ZNF462: variants seen among roughly 807,000 people sequenced by gnomAD.
ZNF462 encodes the protein zinc finger protein 462, also known as zinc finger PBX1-interacting protein.
ZNF462 carries 10 observed loss-of-function variants against 201.9 expected under a neutral mutation model. The observed-to-expected ratio is 0.05, with a 90% CI of 0.03 to 0.08. The LOEUF (loss-of-function observed/expected upper bound fraction) is 0.08, where lower values mean the gene tolerates loss of function less well. Ranked by LOEUF, ZNF462 falls within the 10% of genes least tolerant of loss-of-function variation. ZNF462 has a pLI of 1.00. For missense variants in ZNF462, 2,523 were observed against 3,168.3 expected (o/e 0.80, Z 4.89); for synonymous variants, 1,227 against 1,193.3 (o/e 1.03, Z -0.58).
intron 1 of ZNF462, among the ~76,000 whole-genome samples, chr9:106,908,099 G>T (rs555465255): frequency 1.3e-5 from 2 of 151,790 alleles, no homozygotes; most frequent in East Asian, 3.9e-4. Flanking sequence ...TCTCTTAATT[G>T]TGGCATTAAA....
At position 106,926,694 on chromosome 9, in the gene ZNF462, C is replaced by T. The variant is rs762912279; in HGVS notation, c.2782C>T (p.Arg928Trp). 7 of 1,613,902 alleles carry T rather than the reference C, an allele frequency of 4.3e-6. No individual in the cohort carries two copies. Among genetic ancestry groups the T allele is most frequent in the South Asian group, 2.2e-5 (2 of 91,060 alleles). The change falls in exon 3 of 13, where the codon CGG becomes TGG. Residue 928 changes from arginine to tryptophan, a missense_variant. Around this residue, in one of 15 missense-constraint regions of ZNF462, gnomAD observed 280 missense variants for 321.3 expected, o/e 0.87. Coordinates refer to ENST00000277225, the MANE Select transcript of ZNF462 (RefSeq NM_021224.6). This position sits in a 1 kb window ranked among gnomAD's most constrained non-coding sequence, Gnocchi z 7.9. ...FDHSDLIYRC[R>W]FCSYTSPNVR... The stretch of plus-strand genomic sequence containing the variant: ...TCACTCGGACCTGATCTACCGGTGT[C>T]GGTTTTGTTCATACACGAGCCCGAA...
In ZNF462 at chr9:106,977,508, T is replaced by C. The variant is rs1827097161; in HGVS notation, c.6832+3235T>C. On this transcript the variant is annotated intron_variant, in intron 9 of 12. Coordinates refer to ENST00000277225, the MANE Select transcript of ZNF462 (RefSeq NM_021224.6). This position sits in a 1 kb window ranked among gnomAD's most constrained non-coding sequence, Gnocchi z 4.6. ...ACTTCGCTCATGGGAAATCTGAATA[T>C]GAACTAATCAGGGATTTATGTTGGC... Among the ~76,000 whole-genome samples, 2 of 151,668 alleles carry C rather than the reference T, an allele frequency of 1.3e-5. No homozygotes were observed.
Position 106,982,090 on chromosome 9 carries a change from CCCGTGGTTCAG to C in ZNF462, c.6833-2093_6833-2083del, listed in dbSNP as rs377144373. 5.8e-3 allele frequency among the ~76,000 whole-genome samples: 890 copies of C among 152,334 alleles called. 10 individuals are homozygous for C. The highest frequency in any genetic ancestry group is 0.021 in the African/African-American group (857 of 41,580). ...CATATCCCCAGCATGGGGGCAGTTC[CCCGTGGTTCAG>C]CCTGCATGCCCCATCTCTTGCTGTT... On this transcript the variant is annotated intron_variant, in intron 9 of 12. Transcript: ENST00000277225.
At chr9:106,946,153 T>C (rs975637768) in intron 7 of ZNF462, among the ~76,000 whole-genome samples, 1 of 152,222 alleles carries the variant, frequency 6.6e-6, no homozygotes, top group African/African-American at 2.4e-5. Context: ...TATTCAGAAC[T>C]AGTTCCCAGC....
intron 1 of ZNF462, among the ~76,000 whole-genome samples, chr9:106,891,014 G>A (rs188165850): frequency 1.3e-5 from 2 of 152,284 alleles, no homozygotes; most frequent in African/African-American, 4.8e-5. Context: ...GGAAATCAAG[G>A]AGATTTTTAG....
chr9:106,984,113 G>A lies in ZNF462; in HGVS notation c.6833-73G>A. On this transcript the variant is annotated intron_variant, in intron 9 of 12. Coordinates refer to ENST00000277225, the MANE Select transcript of ZNF462 (RefSeq NM_021224.6). This position sits in a 1 kb window ranked among gnomAD's most constrained non-coding sequence, Gnocchi z 6.4. ...AGCAAGATTGGGTGAGTTTCTTCTT[G>A]TATTCCAAAGAAAGAACTTCTGTTT... is the stretch of plus-strand genomic sequence containing the variant. The A allele has an allele frequency of 7.1e-7, 1 of 1,410,096 alleles. No individual in the cohort carries two copies. The highest frequency in any genetic ancestry group is 9.8e-7 in the Non-Finnish European group (1 of 1,021,742). 87.3% of individuals were successfully genotyped at this position (1,410,096 alleles called of 1,614,324 possible).
intron 1 of ZNF462, among the ~76,000 whole-genome samples, chr9:106,884,592 ATATC>A (rs1197969566): frequency 1.3e-5 from 2 of 152,150 alleles, no homozygotes; most frequent in Non-Finnish European, 1.5e-5. Context: ...TGGAAACAGA[ATATC>A]TGTCATTCAT....
At position 106,926,551 on chromosome 9, in the gene ZNF462, A is replaced by G. The variant is rs150561263; in HGVS notation, c.2639A>G (p.Asn880Ser). 2.8e-4 allele frequency: 451 copies of G among 1,614,160 alleles called. 1 individual carries two copies. The highest frequency in any genetic ancestry group is 1.4e-3 in the African/African-American group (104 of 75,032). ...AGCTTTAGGTACATCTTGGACCCCA[A>G]TGATCACAGTGCAGTGTACAGGTGC... ...KFSFRYILDP[N>S]DHSAVYRCLE... Residue 880 changes from asparagine to serine, a missense_variant, in exon 3 of 13, where the codon AAT (asparagine) becomes AGT (serine). Transcript: ENST00000277225. The surrounding 1 kb of genome is among the most constrained non-coding windows in gnomAD (Gnocchi z 7.9).
rs777029774 is a variant in ZNF462, at chr9:106,932,396, C to T, written c.6013-50C>T. 86 of 1,613,250 alleles carry T rather than the reference C, an allele frequency of 5.3e-5. No individual in the cohort carries two copies. The highest frequency in any genetic ancestry group is 8.9e-5 in the East Asian group (4 of 44,872). On this transcript the variant is annotated intron_variant, in intron 4 of 12. Coordinates refer to ENST00000277225, the MANE Select transcript of ZNF462 (RefSeq NM_021224.6). This position sits in a 1 kb window ranked among gnomAD's most constrained non-coding sequence, Gnocchi z 6.8. Reference sequence around the variant, plus strand: ...GGAATGTTGGAGGATGAAACCCGGCCGGGGGGATACCATTGCAGTCAATGT... The same window carrying T: ...GGAATGTTGGAGGATGAAACCCGGCTGGGGGGATACCATTGCAGTCAATGT...
Position 106,974,108 on chromosome 9 carries a change from A to T in ZNF462, c.6696-29A>T. 1 of 1,613,766 alleles carries T rather than the reference A, an allele frequency of 6.2e-7. No individual in the cohort carries two copies. The highest frequency in any genetic ancestry group is 8.5e-7 in the Non-Finnish European group (1 of 1,179,870). ...AATGCAATGATCCCTGGTTACACGCATCACCTCTCCTCCCAAACTCTCTCC... is the reference window on the plus strand; with the variant it reads ...AATGCAATGATCCCTGGTTACACGCTTCACCTCTCCTCCCAAACTCTCTCC... On this transcript the variant is annotated intron_variant, in intron 8 of 12. Coordinates refer to ENST00000277225, the MANE Select transcript of ZNF462 (RefSeq NM_021224.6). The surrounding 1 kb of genome is among the most constrained non-coding windows in gnomAD (Gnocchi z 4.0).
chr9:106,945,146 T>C (rs1831049764), intron 7 of ZNF462, among the ~76,000 whole-genome samples: 1 of 152,210 alleles, frequency 6.6e-6, no homozygotes, highest in African/African-American at 2.4e-5. Context: ...GGAATACTCC[T>C]AGATGTCACT....
chr9:106,963,651 G>T lies in ZNF462; in HGVS notation c.6428-8354G>T, dbSNP rs77322043. ...GAAGTTTGTAAGGAACCTAACAGATGATCTTGTCTAAAGGCACCTAAAAAA... is the reference window on the plus strand; with the variant it reads ...GAAGTTTGTAAGGAACCTAACAGATTATCTTGTCTAAAGGCACCTAAAAAA... On this transcript the variant is annotated intron_variant, in intron 7 of 12. Coordinates refer to ENST00000277225, the MANE Select transcript of ZNF462 (RefSeq NM_021224.6). This position sits in a 1 kb window ranked among gnomAD's most constrained non-coding sequence, Gnocchi z 4.7. Among the ~76,000 whole-genome samples, 7,459 of 152,062 alleles carry T rather than the reference G, an allele frequency of 0.049. 644 individuals are homozygous for T. Among genetic ancestry groups the T allele is most frequent in the African/African-American group, 0.17 (6,966 of 41,458 alleles).
upstream of ZNF462, among the ~76,000 whole-genome samples, chr9:106,862,137 A>C (rs749676818): frequency 2.0e-5 from 3 of 152,136 alleles, no homozygotes; most frequent in Non-Finnish European, 2.9e-5. This position sits in a 1 kb window ranked among gnomAD's most constrained non-coding sequence, Gnocchi z 4.2. Flanking sequence ...TCAGGAGAGA[A>C]GACTTCAAAA....
At position 106,938,206 on chromosome 9, in the gene ZNF462, G is replaced by A. The variant is rs1207022786; in HGVS notation, c.6236-710G>A. Reference sequence around the variant, plus strand: ...TAGTGCTTATTTTTACTGAGAGGCAGTCTTTATTGAAGAATATTGGAGATA... The same window carrying A: ...TAGTGCTTATTTTTACTGAGAGGCAATCTTTATTGAAGAATATTGGAGATA... On this transcript the variant is annotated intron_variant, in intron 6 of 12. Transcript: ENST00000277225. This position sits in a 1 kb window ranked among gnomAD's most constrained non-coding sequence, Gnocchi z 4.4. Among the ~76,000 whole-genome samples the A allele has an allele frequency of 6.6e-6, 1 of 152,296 alleles. No homozygotes were observed. The highest frequency in any genetic ancestry group is 2.1e-4 in the South Asian group (1 of 4,826).
Position 106,864,092 on chromosome 9 carries a change from CTCTCTCTCTCTCTCT to C in ZNF462, c.-31+738_-31+752del, listed in dbSNP as rs1564062701. ...TCTCTCTCTCTCTCTCTCTCTCTCT[CTCTCTCTCTCTCTCT>C]CTCCCTCTCCCCGAAGTTGGGATGC... On this transcript the variant is annotated intron_variant, in intron 1 of 12. Transcript: ENST00000277225. Among the ~76,000 whole-genome samples, 233 of 131,164 alleles carry C rather than the reference CTCTCTCTCTCTCTCT, an allele frequency of 1.8e-3. 8 individuals are homozygous for C. The highest frequency in any genetic ancestry group is 7.5e-3 in the Middle Eastern group (2 of 268). 86.0% of individuals were successfully genotyped at this position (131,164 alleles called of 152,430 possible). A position where few individuals can be genotyped will look rare whatever the true frequency, so the allele number is the denominator to read the frequency against.
chr9:106,979,358 T>C (rs550174732), intron 9 of ZNF462: 2 of 151,728 alleles, frequency 1.3e-5, no homozygotes, highest in Admixed American at 1.3e-4. Context: ...GGTAGCCCTT[T>C]ACTACTATAG....
chr9:106,953,798 C>T (rs569784779), intron 7 of ZNF462, among the ~76,000 whole-genome samples: 2 of 152,246 alleles, frequency 1.3e-5, no homozygotes, highest in South Asian at 4.1e-4. Context: ...ACCTTCATTT[C>T]AAAGGTTCTA....
rs1010913494 is a variant in ZNF462 at position 106,872,771 on chromosome 9, A to G, written c.-31+9416A>G. 6.6e-6 allele frequency among the ~76,000 whole-genome samples: 1 copy of G among 152,242 alleles called. No individual in the cohort carries two copies. Among genetic ancestry groups the G allele is most frequent in the Non-Finnish European group, 1.5e-5 (1 of 68,050 alleles). On this transcript the variant is annotated intron_variant, in intron 1 of 12. Coordinates refer to ENST00000277225, the MANE Select transcript of ZNF462 (RefSeq NM_021224.6). The surrounding 1 kb of genome is among the most constrained non-coding windows in gnomAD (Gnocchi z 4.5). ...TTCTAATACTGGGTAAGAACAATAG[A>G]AAATAAATATGATTGCTTCATCAAA...
chr9:106,945,213 T>A (rs1272239793), intron 7 of ZNF462, among the ~76,000 whole-genome samples: 1 of 152,216 alleles, frequency 6.6e-6, no homozygotes, highest in Non-Finnish European at 1.5e-5. Context: ...ATGTAAGGTA[T>A]CAGATGAAGT....
Sources: allele counts gnomAD v4.1 joint callset (sites outside exome capture counted in the v4.1 genomes callset), GRCh38; gene constraint gnomAD v4.1.1; regional missense constraint gnomAD v4.1.1; non-coding constraint Gnocchi (gnomAD v3.1); transcripts MANE v1.5; gene names NCBI Gene and HGNC (gene_info 2026-07-23, HGNC 2026-07-21).